The following PRKN variants were observed in gnomAD, a reference collection of about 807,000 sequenced individuals.
PRKN encodes E3 ubiquitin-protein ligase parkin.
Under a neutral mutation model 59.5 loss-of-function variants are expected in PRKN, and 56 were observed. The ratio of observed to expected loss-of-function variants is 0.94; its 90% CI spans 0.76 to 1.18. The LOEUF is 1.18. Among genes scored for constraint, PRKN ranks in the 50% most tolerant of loss-of-function variants. The probability of loss-of-function intolerance (pLI) is 0.00; values close to 1 mark genes in which losing one functional copy is unlikely to be tolerated. For missense variants in PRKN, 657 were observed against 596.4 expected, an observed-to-expected ratio of 1.10 and a Z score of -1.06; for synonymous variants, 250 against 222.1, an observed-to-expected ratio of 1.13 and a Z score of -1.12.
chr6:161,556,990 CA>C (rs1780263058), intron 8 of PRKN, among the ~76,000 whole-genome samples: 1 of 152,016 alleles, frequency 6.6e-6, no homozygotes, highest in Non-Finnish European at 1.5e-5. Flanking sequence ...GTGAATAATC[CA>C]CAGACAACTA....
chr6:161,464,239 C>T (rs1790340901), intron 9 of PRKN, among the ~76,000 whole-genome samples: 3 of 152,166 alleles, frequency 2.0e-5, no homozygotes, highest in Non-Finnish European at 4.4e-5. Flanking sequence ...GTCTTATACT[C>T]CCGACCTCAG....
chr6:162,556,344 T>TGC (rs1688402048), intron 1 of PRKN, among the ~76,000 whole-genome samples: 1 of 87,336 alleles, frequency 1.1e-5, no homozygotes, highest in African/African-American at 4.5e-5. Flanking sequence ...ACTCAGCTGG[T>TGC]GTGTGTGTGT....
intron 4 of PRKN, among the ~76,000 whole-genome samples, chr6:162,108,728 G>T (rs1780296356): frequency 6.6e-6 from 1 of 152,164 alleles, no homozygotes; most frequent in Non-Finnish European, 1.5e-5. Flanking sequence ...GAAGGATGAG[G>T]ATTTTCCTGC....
At chr6:161,398,441 A>C (rs1031317316) in intron 9 of PRKN, among the ~76,000 whole-genome samples, 1 of 152,120 alleles carries the variant, frequency 6.6e-6, no homozygotes, top group African/African-American at 2.4e-5. Context: ...GGCCCCACCC[A>C]AGAAGTACTA....
At chr6:162,588,013 G>GTTTTTTTTTTTTTTTT (rs71004102) in intron 1 of PRKN, among the ~76,000 whole-genome samples, 1 of 136,668 alleles carries the variant, frequency 7.3e-6, no homozygotes. Context: ...GAGTTTTTGA[G>GTTTTTTTTTTTTTTTT]TTTTTTTTTT....
At chr6:162,563,078 G>A (rs548943237) in intron 1 of PRKN, among the ~76,000 whole-genome samples, 74 of 152,246 alleles carry the variant, frequency 4.9e-4, no homozygotes, top group African/African-American at 1.5e-3. Context: ...CGAGGCGGGC[G>A]GATCATGAAG....
chr6:161,570,137 A>AT (rs1315681134), intron 7 of PRKN, among the ~76,000 whole-genome samples: 136 of 136,210 alleles, frequency 1.0e-3, no homozygotes, highest in South Asian at 3.8e-3. Flanking sequence ...AAAAAAAAAA[A>AT]AAAAAAAAAA....
chr6:162,605,056 A>G (rs1306049919), intron 1 of PRKN, among the ~76,000 whole-genome samples: 1 of 152,214 alleles, frequency 6.6e-6, no homozygotes, highest in Admixed American at 6.5e-5. Context: ...CTAATCATAA[A>G]GTATATATCA....
At chr6:161,878,988 C>T (rs1470627217) in intron 6 of PRKN, among the ~76,000 whole-genome samples, 1 of 152,150 alleles carries the variant, frequency 6.6e-6, no homozygotes, top group East Asian at 1.9e-4. Flanking sequence ...GGCTCCTCAT[C>T]CTTACCACCA....
chr6:162,477,357 G>A (rs1583640673), intron 1 of PRKN, among the ~76,000 whole-genome samples: 1 of 152,204 alleles, frequency 6.6e-6, no homozygotes, highest in South Asian at 2.1e-4. Context: ...AAATAAATTC[G>A]CTGATGAATG....
chr6:161,524,692 T>G (rs1411253362), intron 9 of PRKN, among the ~76,000 whole-genome samples: 1 of 152,170 alleles, frequency 6.6e-6, no homozygotes, highest in Non-Finnish European at 1.5e-5. Context: ...TCTGCTTGCA[T>G]AGCATATAAT....
At chr6:161,845,220 A>T (rs1793150990) in intron 6 of PRKN, among the ~76,000 whole-genome samples, 1 of 152,230 alleles carries the variant, frequency 6.6e-6, no homozygotes, top group Non-Finnish European at 1.5e-5. Context: ...GGCCACCAGT[A>T]GATGCCCAGG....
chr6:162,094,530 A>T (rs983171266), intron 4 of PRKN, among the ~76,000 whole-genome samples: 1 of 152,034 alleles, frequency 6.6e-6, no homozygotes, highest in Admixed American at 6.6e-5. Flanking sequence ...AATTTAATTT[A>T]ATTTGGAAAG....
chr6:161,995,944 C>G (rs1781824804), intron 5 of PRKN, among the ~76,000 whole-genome samples: 1 of 152,070 alleles, frequency 6.6e-6, no homozygotes, highest in Admixed American at 6.6e-5. Context: ...GAGTTTGAGA[C>G]AAGTCTGGGC....
intron 3 of PRKN, among the ~76,000 whole-genome samples, chr6:162,218,240 T>C (rs1162715125): frequency 6.6e-6 from 1 of 152,146 alleles, no homozygotes; most frequent in Admixed American, 6.5e-5. Context: ...GGAAGGACAC[T>C]GGGCAGCAGG....
At chr6:162,055,897 G>A (rs1777836583) in intron 4 of PRKN, among the ~76,000 whole-genome samples, 1 of 151,846 alleles carries the variant, frequency 6.6e-6, no homozygotes, top group Non-Finnish European at 1.5e-5. Context: ...CAGTCTGCAG[G>A]AGTGCTCCCT....
chr6:161,803,297 C>T (rs1243790634), intron 6 of PRKN, among the ~76,000 whole-genome samples: 1 of 152,212 alleles, frequency 6.6e-6, no homozygotes, highest in African/African-American at 2.4e-5. Context: ...TGCTTTCCTC[C>T]TGTTCATCTG....
Position 161,551,417 on chromosome 6 carries a change from G to A in PRKN, c.934-2414C>T, listed in dbSNP as rs1019852091. On this transcript the variant is annotated intron_variant, in intron 8 of 11. Coordinates refer to ENST00000366898, the MANE Select transcript of PRKN (RefSeq NM_004562.3). This position sits in a 1 kb window ranked among gnomAD's most constrained non-coding sequence, Gnocchi z 5.2. The stretch of plus-strand genomic sequence containing the variant: ...CTGACCATGTTATGAGGTCAGATGT[G>A]ATTATCCAACCTCTGCAGGGAAGGT... Among the ~76,000 whole-genome samples the A allele has an allele frequency of 2.6e-5, 4 of 152,196 alleles. No individual in the cohort carries two copies. Among genetic ancestry groups the A allele is most frequent in the African/African-American group, 7.2e-5 (3 of 41,454 alleles).
chr6:162,658,416 C>T (rs1778739522), intron 1 of PRKN, among the ~76,000 whole-genome samples: 1 of 152,128 alleles, frequency 6.6e-6, no homozygotes, highest in African/African-American at 2.4e-5. Context: ...CACGCCAGCA[C>T]TTTGGGAGAC....
Sources: gnomAD v4.1 joint callset for allele counts (sites outside exome capture counted in the v4.1 genomes callset) on GRCh38, gnomAD v4.1.1 for gene constraint, Gnocchi (gnomAD v3.1) non-coding constraint, MANE v1.5 for transcripts, NCBI Gene and HGNC (gene_info 2026-07-23, HGNC 2026-07-21) for gene names.